The following DCLK2 variants were observed in gnomAD, a reference collection of about 807,000 sequenced individuals.
DCLK2 encodes serine/threonine-protein kinase DCLK2.
A neutral mutation model predicts 78.4 loss-of-function variants in DCLK2; 31 were observed. That is an observed-to-expected ratio of 0.40 (90% CI 0.30 to 0.53). The LOEUF (loss-of-function observed/expected upper bound fraction) is 0.53. Ranked by LOEUF, DCLK2 falls within the 20% of genes least tolerant of loss-of-function variation. The pLI is 0.61. For synonymous variants in DCLK2, 407 were observed against 374.9 expected (o/e 1.09, Z -0.99); for missense variants, 872 against 973.7 (o/e 0.90, Z 1.39).
At chr4:150,185,454 G>A (rs1025493061) in intron 2 of DCLK2, among the ~76,000 whole-genome samples, 1 of 151,788 alleles carries the variant, frequency 6.6e-6, no homozygotes, top group Admixed American at 6.6e-5. Context: ...GCCTGGCATG[G>A]TGGCTCATGC....
At chr4:150,115,115 G>A (rs978741473) in intron 2 of DCLK2, among the ~76,000 whole-genome samples, 4 of 152,052 alleles carry the variant, frequency 2.6e-5, no homozygotes, top group African/African-American at 9.7e-5. Context: ...GGATTCATTT[G>A]AAAGCCTTGT....
intron 2 of DCLK2, among the ~76,000 whole-genome samples, chr4:150,118,295 C>T (rs1244557004): frequency 2.1e-5 from 3 of 140,362 alleles, no homozygotes; most frequent in Non-Finnish European, 4.8e-5. Context: ...GATGCAGTTT[C>T]ACTTGGTGTT....
chr4:150,213,106 CAG>C (rs1740435427), intron 5 of DCLK2, among the ~76,000 whole-genome samples: 1 of 152,200 alleles, frequency 6.6e-6, no homozygotes, highest in Non-Finnish European at 1.5e-5. Flanking sequence ...AAGGCTTACT[CAG>C]AGGGGTGCGA....
intron 1 of DCLK2, among the ~76,000 whole-genome samples, chr4:150,082,517 A>T (rs80028661): frequency 6.6e-6 from 1 of 152,134 alleles, no homozygotes; most frequent in South Asian, 2.1e-4. Flanking sequence ...GTGAGCTGGC[A>T]CTCCTCCAGC....
At chr4:150,166,448 T>G (rs1736088146) in intron 2 of DCLK2, among the ~76,000 whole-genome samples, 1 of 150,576 alleles carries the variant, frequency 6.6e-6, no homozygotes, top group Admixed American at 6.6e-5. Context: ...GAGCTATGAT[T>G]GTGACACTGC....
Position 150,221,786 on chromosome 4 carries a change from G to T in DCLK2, c.1241+1G>T. On this transcript the variant is annotated splice_donor_variant, in intron 7 of 15. Transcript: ENST00000296550. LOFTEE classifies it high-confidence loss of function. The stretch of plus-strand genomic sequence containing the variant: ...CAGTAGTCAAAGAGTGTATAGACAG[G>T]TGAGTGGACAGTGAGGATAATTAAT... The T allele has an allele frequency of 6.6e-7, 1 of 1,523,552 alleles. No homozygotes were observed. Among genetic ancestry groups the T allele is most frequent in the Non-Finnish European group, 9.0e-7 (1 of 1,115,814 alleles). The allele number at this position is 1,523,552 out of a possible 1,614,324, so 94.4% of individuals were successfully genotyped here. A position where few individuals can be genotyped will look rare whatever the true frequency, so the allele number is the denominator to read the frequency against.
At chr4:150,100,087 A>AT (rs1730781779) in intron 1 of DCLK2, among the ~76,000 whole-genome samples, 1 of 151,870 alleles carries the variant, frequency 6.6e-6, no homozygotes, top group Non-Finnish European at 1.5e-5. Flanking sequence ...TAATTTTTGT[A>AT]TTTTTAGTAG....
chr4:150,088,742 T>C (rs1729827133), intron 1 of DCLK2, among the ~76,000 whole-genome samples: 1 of 152,230 alleles, frequency 6.6e-6, no homozygotes, highest in South Asian at 2.1e-4. Context: ...CTTAACCTCA[T>C]GTGACAGGTT....
At chr4:150,175,240 TA>T (rs1736986703) in intron 2 of DCLK2, among the ~76,000 whole-genome samples, 2 of 141,892 alleles carry the variant, frequency 1.4e-5, no homozygotes, top group African/African-American at 5.3e-5. Flanking sequence ...TATATATATA[TA>T]AAGCTTTGTT....
intron 15 of DCLK2, among the ~76,000 whole-genome samples, chr4:150,250,425 T>A (rs1191765416): frequency 6.6e-6 from 1 of 152,032 alleles, no homozygotes; most frequent in Non-Finnish European, 1.5e-5. Context: ...CCTGAGCCAA[T>A]GCAACCCTGG....
chr4:150,164,922 G>T (rs1196096391), intron 2 of DCLK2, among the ~76,000 whole-genome samples: 1 of 152,176 alleles, frequency 6.6e-6, no homozygotes, highest in Non-Finnish European at 1.5e-5. Flanking sequence ...AAATTATCTT[G>T]ATTCTTGTCA....
chr4:150,247,388 C>G (rs992985655), intron 12 of DCLK2, among the ~76,000 whole-genome samples: 1 of 152,202 alleles, frequency 6.6e-6, no homozygotes, highest in African/African-American at 2.4e-5. Context: ...GTCTCTGTCT[C>G]TTTAATTCCT....
chr4:150,099,438 T>C (rs1179680155), intron 1 of DCLK2, among the ~76,000 whole-genome samples: 15 of 152,214 alleles, frequency 9.9e-5, no homozygotes, highest in Non-Finnish European at 1.0e-4. Context: ...TATTCTCTCC[T>C]TGTAGGCAAA....
At chr4:150,158,343 G>A (rs1405268480) in intron 2 of DCLK2, among the ~76,000 whole-genome samples, 1 of 152,150 alleles carries the variant, frequency 6.6e-6, no homozygotes, top group Admixed American at 6.5e-5. Context: ...TCTAAATACA[G>A]TCACATTCTG....
At chr4:150,124,852 A>C (rs774911349) in intron 2 of DCLK2, among the ~76,000 whole-genome samples, 2 of 152,220 alleles carry the variant, frequency 1.3e-5, no homozygotes, top group African/African-American at 4.8e-5. Context: ...GTACCAATCA[A>C]TGTCTTAATT....
At position 150,232,823 on chromosome 4, in the gene DCLK2, C is replaced by G; in HGVS notation, c.1561C>G (p.Leu521Val). Residue 521 changes from leucine (L) to valine (V), a missense_variant, in exon 10 of 16, where the codon CTC becomes GTC. Leu to Val is a conservative substitution (Grantham distance 32). Around this residue, in one of 3 missense-constraint regions of DCLK2, gnomAD observed 86 missense variants for 150.3 expected, o/e 0.57. Coordinates refer to ENST00000296550, the MANE Select transcript of DCLK2 (RefSeq NM_001040260.4). ...IVHRDIKPENLLVCEYPDGTK... is the reference protein window; with the variant it reads ...IVHRDIKPENVLVCEYPDGTK... Reference sequence around the variant, plus strand: ...GCACAGAGACATCAAACCAGAGAATCTCTTGGTATGTCATCCCTGCTTTTT... The same window carrying G: ...GCACAGAGACATCAAACCAGAGAATGTCTTGGTATGTCATCCCTGCTTTTT... 2 of 1,611,936 alleles carry G rather than the reference C, an allele frequency of 1.2e-6. No homozygotes were observed. The highest frequency in any genetic ancestry group is 1.7e-6 in the Non-Finnish European group (2 of 1,178,898).
intron 2 of DCLK2, among the ~76,000 whole-genome samples, chr4:150,188,949 A>G (rs1313177030): frequency 2.0e-5 from 3 of 152,004 alleles, no homozygotes; most frequent in Admixed American, 6.6e-5. Context: ...ATGGAAAAAA[A>G]AAGTCACCTT....
Position 150,175,073 on chromosome 4 carries a change from TTTATATATTTATA to T in DCLK2, c.757-18063_757-18051del, listed in dbSNP as rs1580650940. ...ATATTTATATATATATTTATATATA[TTTATATATTTATA>T]TATATATTTATATATATTTATATAT... On this transcript the variant is annotated intron_variant, in intron 2 of 15. Transcript: ENST00000296550. 1.7e-3 allele frequency among the ~76,000 whole-genome samples: 14 copies of T among 8,178 alleles called. 2 individuals are homozygous for T. The East Asian group carries it at 0.04, about 23-fold the overall frequency. 5.4% of individuals were successfully genotyped at this position (8,178 alleles called of 152,430 possible). A position where few individuals can be genotyped will look rare whatever the true frequency, so the allele number is the denominator to read the frequency against.
chr4:150,121,461 C>T (rs951169966), intron 2 of DCLK2, among the ~76,000 whole-genome samples: 2 of 152,226 alleles, frequency 1.3e-5, no homozygotes, highest in Non-Finnish European at 2.9e-5. Context: ...TATCAAGAGA[C>T]TACAGCAATT....
Sources: allele counts gnomAD v4.1 joint callset (sites outside exome capture counted in the v4.1 genomes callset), GRCh38; gene constraint gnomAD v4.1.1; regional missense constraint gnomAD v4.1.1; transcripts MANE v1.5; gene names NCBI Gene and HGNC (gene_info 2026-07-23, HGNC 2026-07-21).